Variants in TFPI observed in about 807,000 individuals in gnomAD.
TFPI encodes tissue factor pathway inhibitor, also known as anti-convertin.
A neutral mutation model predicts 34.6 loss-of-function variants in TFPI; 15 were observed. The ratio of observed to expected loss-of-function variants is 0.43; its 90% CI spans 0.29 to 0.67. The LOEUF (loss-of-function observed/expected upper bound fraction) is 0.67. TFPI is among the 30% of genes least tolerant of loss of function. The pLI, the probability that TFPI is intolerant of heterozygous loss-of-function variation, is 0.15. For synonymous variants in TFPI, 105 were observed against 120.1 expected (o/e 0.87, Z 0.82); for missense variants, 301 against 364.0 (o/e 0.83, Z 1.41).
Position 187,473,510 on chromosome 2 carries a change from A to C in TFPI, c.629-5578T>G, listed in dbSNP as rs535364769. 2.0e-3 allele frequency among the ~76,000 whole-genome samples: 304 copies of C among 152,092 alleles called. 3 individuals carry two copies. Among genetic ancestry groups the C allele is most frequent in the African/African-American group, 6.8e-3 (281 of 41,502 alleles). ...GGATATGGCCAGTTTTTCTTCTTTT[A>C]TTTTCTTTTTTATTCAAATTCTTTG... On this transcript the variant is annotated intron_variant, in intron 6 of 7. Transcript: ENST00000233156.
intron 3 of TFPI, among the ~76,000 whole-genome samples, chr2:187,489,092 T>G (rs1340339097): frequency 6.6e-6 from 1 of 151,522 alleles, no homozygotes; most frequent in African/African-American, 2.4e-5. Flanking sequence ...GAGTGGTATT[T>G]ATTTTGTTGT....
At chr2:187,479,546 CATATAT>C (rs35837997) in intron 6 of TFPI, among the ~76,000 whole-genome samples, 2,517 of 63,194 alleles carry the variant, frequency 0.04, 54 homozygotes, top group African/African-American at 0.066. Context: ...ATATCACGTT[CATATAT>C]ATATATATAT....
At chr2:187,480,206 T>C (rs1692738026) in intron 6 of TFPI, among the ~76,000 whole-genome samples, 1 of 152,040 alleles carries the variant, frequency 6.6e-6, no homozygotes, top group African/African-American at 2.4e-5. Context: ...ACTTTATGAG[T>C]GTCTGAAATA....
At chr2:187,492,048 G>A (rs1018990149) in intron 3 of TFPI, among the ~76,000 whole-genome samples, 1 of 151,908 alleles carries the variant, frequency 6.6e-6, no homozygotes, top group South Asian at 2.1e-4. Context: ...TAAATGGTTT[G>A]TTATTTTCTT....
rs755818998 is a variant in TFPI at position 187,468,513 on chromosome 2, G to T, written c.629-581C>A. Reference sequence around the variant, plus strand: ...TAAGTTTCAAGGAATGAGTCCAGATGAGTTGTTTGTCTTGGTAGCATTTTT... The same window carrying T: ...TAAGTTTCAAGGAATGAGTCCAGATTAGTTGTTTGTCTTGGTAGCATTTTT... On this transcript the variant is annotated intron_variant, in intron 6 of 7. Coordinates refer to ENST00000233156, the MANE Select transcript of TFPI (RefSeq NM_006287.6). Among the ~76,000 whole-genome samples the T allele has an allele frequency of 2.3e-4, 35 of 151,170 alleles. No homozygotes were observed. In the South Asian group the frequency reaches 2.7e-3, roughly 12 times the overall value.
intron 1 of TFPI, among the ~76,000 whole-genome samples, chr2:187,549,599 A>G (rs1383130086): frequency 6.6e-6 from 1 of 152,122 alleles, no homozygotes; most frequent in Non-Finnish European, 1.5e-5. Flanking sequence ...AACTTCTTAC[A>G]TAAGATGAAA....
intron 3 of TFPI, among the ~76,000 whole-genome samples, chr2:187,489,247 C>A (rs1684937313): frequency 6.6e-6 from 1 of 151,406 alleles, no homozygotes. Context: ...CCTCTTTCAG[C>A]AACTGCATCA....
At chr2:187,526,311 G>A (rs1471234941) in intron 1 of TFPI, among the ~76,000 whole-genome samples, 1 of 152,136 alleles carries the variant, frequency 6.6e-6, no homozygotes, top group East Asian at 1.9e-4. Flanking sequence ...CAAGTGGTAA[G>A]GTGAAGCAGT....
At chr2:187,525,393 G>T (rs994113758) in intron 1 of TFPI, among the ~76,000 whole-genome samples, 4 of 151,872 alleles carry the variant, frequency 2.6e-5, no homozygotes, top group African/African-American at 4.8e-5. Flanking sequence ...TAATTATTCT[G>T]GTTTGCTTGG....
intron 6 of TFPI, among the ~76,000 whole-genome samples, chr2:187,480,683 AAC>A: frequency 6.6e-6 from 1 of 152,240 alleles, no homozygotes; most frequent in Non-Finnish European, 1.5e-5. Flanking sequence ...AGGTGGAGAG[AAC>A]ACACATTTAT....
chr2:187,471,147 A>C (rs1692009056), intron 6 of TFPI, among the ~76,000 whole-genome samples: 1 of 152,242 alleles, frequency 6.6e-6, no homozygotes, highest in Non-Finnish European at 1.5e-5. Flanking sequence ...TTAAGGAATC[A>C]TTATAAGGCG....
chr2:187,533,254 C>T (rs1461111468), intron 1 of TFPI, among the ~76,000 whole-genome samples: 3 of 152,116 alleles, frequency 2.0e-5, no homozygotes, highest in Admixed American at 1.3e-4. Flanking sequence ...TCCTGACCCC[C>T]GTGCCTCCTG....
intron 2 of TFPI, among the ~76,000 whole-genome samples, chr2:187,500,809 A>G (rs2106106532): frequency 6.6e-6 from 1 of 152,272 alleles, no homozygotes; most frequent in African/African-American, 2.4e-5. Context: ...CCACAGTGCC[A>G]TGCCACTTCA....
rs567779249 is a variant in TFPI at position 187,466,207 on chromosome 2, C to T, written c.*729G>A. The T allele has an allele frequency of 3.9e-5, 6 of 152,098 alleles. No individual in the cohort carries two copies. The South Asian group carries it at 1.2e-3, about 32-fold the overall frequency. 9.4% of individuals were successfully genotyped at this position (152,098 alleles called of 1,614,324 possible). On this transcript the variant is annotated 3_prime_UTR_variant, in exon 8 of 8. Transcript: ENST00000233156. ...TCGATTGCCATAAAACTTCTTGTTTCCATAAAGGTTCTCCTTATCATGAGT... is the reference window on the plus strand; with the variant it reads ...TCGATTGCCATAAAACTTCTTGTTTTCATAAAGGTTCTCCTTATCATGAGT...
chr2:187,520,408 C>T (rs1687301333), intron 1 of TFPI: 1 of 152,502 alleles, frequency 6.6e-6, no homozygotes, highest in African/African-American at 2.4e-5. Context: ...GGGAGTTCCC[C>T]AATCCCTGGC....
chr2:187,482,167 G>C (rs1228048438), intron 6 of TFPI, among the ~76,000 whole-genome samples: 1 of 151,958 alleles, frequency 6.6e-6, no homozygotes, highest in African/African-American at 2.4e-5. Context: ...AATGACTGCA[G>C]ATCTCCACTT....
At chr2:187,498,890 A>C (rs979860324) in intron 2 of TFPI, among the ~76,000 whole-genome samples, 1 of 151,992 alleles carries the variant, frequency 6.6e-6, no homozygotes, top group Non-Finnish European at 1.5e-5. Flanking sequence ...TCAAATCTTT[A>C]ACTAAAGTTG....
intron 6 of TFPI, among the ~76,000 whole-genome samples, chr2:187,473,066 G>A (rs1234937220): frequency 2.6e-5 from 4 of 151,960 alleles, no homozygotes; most frequent in African/African-American, 9.7e-5. Flanking sequence ...TCAGTTATAA[G>A]TTTCATCATC....
chr2:187,483,115 G>T (rs1692998464), intron 6 of TFPI, among the ~76,000 whole-genome samples: 1 of 151,892 alleles, frequency 6.6e-6, no homozygotes, highest in Admixed American at 6.6e-5. Flanking sequence ...ATCCACGTGG[G>T]CAGGGATTTT....
Sources: gnomAD v4.1 joint callset for allele counts (sites outside exome capture counted in the v4.1 genomes callset) on GRCh38, gnomAD v4.1.1 for gene constraint, MANE v1.5 for transcripts, NCBI Gene and HGNC (gene_info 2026-07-23, HGNC 2026-07-21) for gene names.